TSNAXIP1: variants seen among roughly 807,000 people sequenced by gnomAD.
TSNAXIP1 encodes the protein translin associated factor X interacting protein 1.
TSNAXIP1 carries 89 observed loss-of-function variants against 84.8 expected under a neutral mutation model. The observed-to-expected ratio is 1.05, with a 90% CI of 0.88 to 1.25. The LOEUF (loss-of-function observed/expected upper bound fraction) is 1.25. Among genes scored for constraint, TSNAXIP1 ranks in the 50% most tolerant of loss-of-function variants. The pLI, the probability that TSNAXIP1 is intolerant of heterozygous loss-of-function variation, is 0.00. For missense variants in TSNAXIP1, 874 were observed against 887.6 expected, an observed-to-expected ratio of 0.98 and a Z score of 0.20; for synonymous variants, 347 against 335.2, an observed-to-expected ratio of 1.04 and a Z score of -0.39.
chr16:67,816,037 C>T (rs1260571040), intron 2 of TSNAXIP1, among the ~76,000 whole-genome samples: 4 of 147,774 alleles, frequency 2.7e-5, no homozygotes, highest in Non-Finnish European at 4.4e-5. Flanking sequence ...GACGCAATCT[C>T]GGCTCACTGC....
chr16:67,819,751 G>A lies in TSNAXIP1; in HGVS notation c.148-1088G>A, dbSNP rs182096663. On this transcript the variant is annotated intron_variant, in intron 2 of 15. Transcript: ENST00000561639. ...CAACCTCCGCTTCCCGGGTTCAAGG[G>A]ATTCTCCTGCCTCAGCCTCCTGAGT... 6.0e-5 allele frequency among the ~76,000 whole-genome samples: 9 copies of A among 150,900 alleles called. No homozygotes were observed. The East Asian group carries it at 1.7e-3, about 29-fold the overall frequency.
chr16:67,825,817 A>G lies in TSNAXIP1; in HGVS notation c.965A>G (p.Asn322Ser). The stretch of plus-strand genomic sequence containing the variant: ...GACTTTGAAATGCAGGAGAAGACCA[A>G]CAAGGATCTTCAGGAGCAGGTGCTG... ...RRDFEMQEKT[N>S]KDLQEQLDTL... Residue 322 changes from asparagine (N) to serine (S), a missense_variant, in exon 8 of 16, where the codon AAC (asparagine) becomes AGC (serine). Transcript: ENST00000561639. The G allele has an allele frequency of 6.2e-7, 1 of 1,614,170 alleles. No individual in the cohort carries two copies. Among genetic ancestry groups the G allele is most frequent in the African/African-American group, 1.3e-5 (1 of 75,040 alleles).
rs1310706769 is a variant in TSNAXIP1 at position 67,828,010 on chromosome 16, T to G, written c.*17T>G. Reference sequence around the variant, plus strand: ...GCAAGCTAGGAACTTGTGGGCAGCCTGCGTACTCCAGTCCTGCTAACCCCT... The same window carrying G: ...GCAAGCTAGGAACTTGTGGGCAGCCGGCGTACTCCAGTCCTGCTAACCCCT... On this transcript the variant is annotated 3_prime_UTR_variant, in exon 16 of 16. Coordinates refer to ENST00000561639, the MANE Select transcript of TSNAXIP1 (RefSeq NM_001288990.3). 1.9e-6 allele frequency: 3 copies of G among 1,610,956 alleles called. No individual in the cohort carries two copies. In the African/African-American group the frequency reaches 4.0e-5, roughly 22 times the overall value.
chr16:67,821,688 T>TC (rs2057069888), intron 4 of TSNAXIP1, among the ~76,000 whole-genome samples: 1 of 148,088 alleles, frequency 6.8e-6, no homozygotes, highest in South Asian at 2.1e-4. Context: ...GCATGAAACA[T>TC]CCCATGAAAA....
At position 67,821,138 on chromosome 16, in the gene TSNAXIP1, G is replaced by C; in HGVS notation, c.300G>C (p.Gln100His). 6.2e-7 allele frequency: 1 copy of C among 1,612,538 alleles called. No individual in the cohort carries two copies. The highest frequency in any genetic ancestry group is 8.5e-7 in the Non-Finnish European group (1 of 1,179,348). The change falls in exon 4 of 16, where the codon CAG (glutamine) becomes CAC (histidine). Residue 100 changes from glutamine (Q) to histidine (H), a missense_variant. Coordinates refer to ENST00000561639, the MANE Select transcript of TSNAXIP1 (RefSeq NM_001288990.3). ...QQHPFRTAKP[Q>H]YLEELENYLR... is the part of the protein sequence containing the mutation. ...ACCCCTTTCGCACTGCCAAGCCCCA[G>C]TACTTGGAGGAACTGGAAAACTACC...
Position 67,826,570 on chromosome 16 carries a change from C to A in TSNAXIP1, c.1401+8C>A, listed in dbSNP as rs746173850. 6.2e-7 allele frequency: 1 copy of A among 1,614,148 alleles called. No individual in the cohort carries two copies. Among genetic ancestry groups the A allele is most frequent in the Admixed American group, 1.7e-5 (1 of 60,022 alleles). On this transcript the variant is annotated splice_region_variant and intron_variant, in intron 11 of 15. Coordinates refer to ENST00000561639, the MANE Select transcript of TSNAXIP1 (RefSeq NM_001288990.3). ...CGTCTTGCTGAGGAGCAGGTCAGAT[C>A]TCACCAGCCACTCTGGCCCAGCATG...
intron 4 of TSNAXIP1, among the ~76,000 whole-genome samples, chr16:67,823,326 C>T (rs776027112): frequency 4.6e-5 from 7 of 151,990 alleles, no homozygotes; most frequent in Middle Eastern, 6.8e-3. Flanking sequence ...GGGTGGATCA[C>T]GAGGTCAGGA....
chr16:67,808,219 A>C (rs1410769874), intron 1 of TSNAXIP1, among the ~76,000 whole-genome samples: 2 of 151,862 alleles, frequency 1.3e-5, no homozygotes, highest in Non-Finnish European at 2.9e-5. Flanking sequence ...AAAAAAAAAA[A>C]AACACCACCC....
chr16:67,821,800 G>T (rs2057077972), intron 4 of TSNAXIP1, among the ~76,000 whole-genome samples: 1 of 151,776 alleles, frequency 6.6e-6, no homozygotes, highest in South Asian at 2.1e-4. Context: ...GACCAGCCTG[G>T]TCAACATGGT....
intron 2 of TSNAXIP1, among the ~76,000 whole-genome samples, chr16:67,816,135 T>G (rs919134872): frequency 4.6e-5 from 7 of 151,692 alleles, no homozygotes; most frequent in African/African-American, 1.2e-4. Context: ...CTGGCTAATT[T>G]TTTTTGTATT....
At chr16:67,820,283 A>C (rs1253376169) in intron 2 of TSNAXIP1, among the ~76,000 whole-genome samples, 1 of 152,120 alleles carries the variant, frequency 6.6e-6, no homozygotes, top group Non-Finnish European at 1.5e-5. Context: ...TCCTCACATC[A>C]ATACACTGTG....
intron 2 of TSNAXIP1, among the ~76,000 whole-genome samples, chr16:67,818,070 G>T (rs1367024318): frequency 6.6e-6 from 1 of 151,860 alleles, no homozygotes; most frequent in South Asian, 2.1e-4. Flanking sequence ...TTAGCTGGGC[G>T]TGGTGGCATG....
At position 67,820,925 on chromosome 16, in the gene TSNAXIP1, T is replaced by C. The variant is rs1429772864; in HGVS notation, c.234T>C (p.Cys78=). ...GQTILQNRKP[C]SDDYRKRVGS... ...CCATTTTGCAAAATCGAAAACCCTG[T>C]TCAGATGACTACCGGAAGCGAGTAG... The change falls in exon 3 of 16, where the codon TGT becomes TGC. Residue 78 remains cysteine, a synonymous_variant. Transcript: ENST00000561639. 3 of 1,604,020 alleles carry C rather than the reference T, an allele frequency of 1.9e-6. No homozygotes were observed. Among genetic ancestry groups the C allele is most frequent in the Non-Finnish European group, 2.6e-6 (3 of 1,175,334 alleles).
intron 4 of TSNAXIP1, among the ~76,000 whole-genome samples, chr16:67,823,143 GC>G (rs369971012): frequency 2.2e-4 from 34 of 152,266 alleles, no homozygotes; most frequent in African/African-American, 7.0e-4. Flanking sequence ...CCAGAGAGCT[GC>G]CCCCCAGGCT....
At chr16:67,820,638 G>A (rs1392935876) in intron 2 of TSNAXIP1, among the ~76,000 whole-genome samples, 6 of 152,006 alleles carry the variant, frequency 3.9e-5, no homozygotes, top group Admixed American at 6.6e-5. Context: ...TCAACTATTC[G>A]GGAGGCTGAG....
Position 67,827,503 on chromosome 16 carries a change from C to T in TSNAXIP1, c.1822C>T (p.Gln608Ter). 1 of 1,614,168 alleles carries T rather than the reference C, an allele frequency of 6.2e-7. No individual in the cohort carries two copies. Among genetic ancestry groups the T allele is most frequent in the African/African-American group, 1.3e-5 (1 of 75,036 alleles). Residue 608 changes from glutamine (Q) to a stop codon, truncating the protein, a stop_gained, in exon 15 of 16, where the codon CAA becomes TAA. Coordinates refer to ENST00000561639, the MANE Select transcript of TSNAXIP1 (RefSeq NM_001288990.3). LOFTEE classifies it high-confidence loss of function. ...DEEGQSEPFV[Q>*]KLWEQYMDEK... Reference sequence around the variant, plus strand: ...GGAGGGCCAGAGTGAGCCCTTTGTGCAAAAACTCTGGGAACAATACATGGA... The same window carrying T: ...GGAGGGCCAGAGTGAGCCCTTTGTGTAAAAACTCTGGGAACAATACATGGA...
chr16:67,822,278 C>CA (rs931299742), intron 4 of TSNAXIP1, among the ~76,000 whole-genome samples: 5,023 of 51,324 alleles, frequency 0.098, 365 homozygotes, highest in African/African-American at 0.26. Context: ...GACTCCATCT[C>CA]AAAAAAAAAA....
chr16:67,826,568 A>T lies in TSNAXIP1; in HGVS notation c.1401+6A>T, dbSNP rs751136721. 2 of 1,614,150 alleles carry T rather than the reference A, an allele frequency of 1.2e-6. No individual in the cohort carries two copies. The highest frequency in any genetic ancestry group is 1.7e-6 in the Non-Finnish European group (2 of 1,180,000). On this transcript the variant is annotated splice_donor_region_variant and intron_variant, in intron 11 of 15. Transcript: ENST00000561639. ...AACGTCTTGCTGAGGAGCAGGTCAG[A>T]TCTCACCAGCCACTCTGGCCCAGCA...
At chr16:67,811,576 G>A (rs1276005902) in intron 1 of TSNAXIP1, among the ~76,000 whole-genome samples, 2 of 151,096 alleles carry the variant, frequency 1.3e-5, no homozygotes, top group Non-Finnish European at 2.9e-5. Flanking sequence ...CGAGTAGCTG[G>A]GACTACAGGT....
Sources: gnomAD v4.1 joint callset for allele counts (sites outside exome capture counted in the v4.1 genomes callset) on GRCh38, gnomAD v4.1.1 for gene constraint, MANE v1.5 for transcripts, NCBI Gene and HGNC (gene_info 2026-07-23, HGNC 2026-07-21) for gene names.